The following GALNT11 variants were observed in gnomAD, a reference collection of about 807,000 sequenced individuals.
The protein encoded by GALNT11 is polypeptide N-acetylgalactosaminyltransferase 11, also known as UDP-GalNAc:polypeptide N-acetylgalactosaminyltransferase 11.
GALNT11 carries 47 observed loss-of-function variants against 72.7 expected under a neutral mutation model. The observed-to-expected ratio is 0.65, with a 90% confidence interval of 0.51 to 0.82. The LOEUF (loss-of-function observed/expected upper bound fraction) is 0.82, where lower values mean the gene tolerates loss of function less well. Among genes scored for constraint, GALNT11 ranks in the 40% least tolerant of loss-of-function variants. The pLI is 0.00. For synonymous variants in GALNT11, 270 were observed against 286.6 expected, an observed-to-expected ratio of 0.94 and a Z score of 0.58; for missense variants, 677 against 778.4, an observed-to-expected ratio of 0.87 and a Z score of 1.55.
chr7:152,033,342 T>G lies in GALNT11; in HGVS notation c.-39+7458T>G, dbSNP rs1301523214. On this transcript the variant is annotated intron_variant, in intron 1 of 11. Coordinates refer to ENST00000430044, the MANE Select transcript of GALNT11 (RefSeq NM_022087.4). ...TGTCCTTTCTGAACCACCAAAGGTTTGTTTGTCTGAGGGCCATGACTAAGG... is the reference window on the plus strand; with the variant it reads ...TGTCCTTTCTGAACCACCAAAGGTTGGTTTGTCTGAGGGCCATGACTAAGG... 5.9e-5 allele frequency among the ~76,000 whole-genome samples: 9 copies of G among 152,328 alleles called. 1 individual carries two copies. In the South Asian group the frequency reaches 1.7e-3, roughly 28 times the overall value.
intron 5 of GALNT11, 174 bp from the exon 6 acceptor site, chr7:152,107,864 G>T (rs1345245701): frequency 1.5e-5 from 10 of 647,666 alleles, no homozygotes; most frequent in Non-Finnish European, 2.6e-6. Flanking sequence ...CTGGCTGAGG[G>T]ACGTCCTTGT....
At chr7:152,096,215 T>G (rs1255006235) in intron 2 of GALNT11, among the ~76,000 whole-genome samples, 2 of 152,178 alleles carry the variant, frequency 1.3e-5, no homozygotes, top group Non-Finnish European at 2.9e-5. Flanking sequence ...ATATGTAGAT[T>G]CAGTGCAATC....
At chr7:152,058,997 A>G (rs2083853100) in intron 1 of GALNT11, among the ~76,000 whole-genome samples, 1 of 151,938 alleles carries the variant, frequency 6.6e-6, no homozygotes, top group African/African-American at 2.4e-5. Context: ...GTTGGAACCA[A>G]CTTCTTCTAA....
chr7:152,097,988 G>C (rs1397481102), intron 2 of GALNT11, among the ~76,000 whole-genome samples: 1 of 152,078 alleles, frequency 6.6e-6, no homozygotes, highest in African/African-American at 2.4e-5. Context: ...TTTATGTTAC[G>C]TGCATAATTA....
intron 10 of GALNT11, 199 bp downstream of exon 10, chr7:152,118,981 T>A (rs897002029): frequency 1.0e-5 from 4 of 388,288 alleles, no homozygotes; most frequent in Non-Finnish European, 1.8e-5. Context: ...ACCGCCAGGG[T>A]CTGATTTTTC....
At chr7:152,071,651 T>C (rs564350652) in intron 1 of GALNT11, among the ~76,000 whole-genome samples, 1,755 of 152,280 alleles carry the variant, frequency 0.012, 36 homozygotes, top group African/African-American at 0.041. Context: ...AGGGTATTGA[T>C]TGGGGAAGTG....
chr7:152,106,747 A>T (rs755286210), intron 5 of GALNT11, among the ~76,000 whole-genome samples: 1 of 152,146 alleles, frequency 6.6e-6, no homozygotes, highest in African/African-American at 2.4e-5. Flanking sequence ...ATTGAGATAT[A>T]GTTTAGGATC....
At chr7:152,112,215 C>T (rs1466638614) in intron 7 of GALNT11, among the ~76,000 whole-genome samples, 1 of 152,180 alleles carries the variant, frequency 6.6e-6, no homozygotes. Flanking sequence ...TTCTGTATTT[C>T]TGCAAATGTA....
intron 1 of GALNT11, among the ~76,000 whole-genome samples, chr7:152,076,092 A>G (rs2084957666): frequency 7.8e-6 from 1 of 128,974 alleles, no homozygotes; most frequent in South Asian, 2.5e-4. Context: ...AAAAAAAAAG[A>G]AGAAGAGAGA....
At chr7:152,033,297 G>A (rs938578372) in intron 1 of GALNT11, among the ~76,000 whole-genome samples, 14 of 152,314 alleles carry the variant, frequency 9.2e-5, no homozygotes, top group African/African-American at 3.4e-4. Context: ...CCTACCGGGT[G>A]ATTGGCCTGC....
intron 1 of GALNT11, among the ~76,000 whole-genome samples, chr7:152,091,215 T>G (rs956468278): frequency 2.6e-5 from 4 of 151,114 alleles, no homozygotes; most frequent in Admixed American, 1.3e-4. Context: ...ACCTGGCTAA[T>G]TTATATATAT....
intron 1 of GALNT11, among the ~76,000 whole-genome samples, chr7:152,048,149 A>G (rs1356251436): frequency 1.3e-5 from 2 of 151,498 alleles, no homozygotes; most frequent in Non-Finnish European, 2.9e-5. Flanking sequence ...TTTCTCCTTC[A>G]TGTTTGAAGA....
intron 1 of GALNT11, among the ~76,000 whole-genome samples, chr7:152,083,740 T>G (rs2085458615): frequency 6.6e-6 from 1 of 152,200 alleles, no homozygotes; most frequent in South Asian, 2.1e-4. Flanking sequence ...GATAATATAT[T>G]TAACATGATT....
At chr7:152,038,314 G>A (rs1281908177) in intron 1 of GALNT11, among the ~76,000 whole-genome samples, 1 of 152,192 alleles carries the variant, frequency 6.6e-6, no homozygotes, top group Non-Finnish European at 1.5e-5. Flanking sequence ...TTTACTATAA[G>A]TATTCCTTAT....
intron 1 of GALNT11, among the ~76,000 whole-genome samples, chr7:152,030,070 C>T (rs1311938093): frequency 4.6e-5 from 7 of 152,086 alleles, no homozygotes; most frequent in African/African-American, 2.4e-5. Flanking sequence ...CCCACAGGGT[C>T]GGTGGGTTTT....
At position 152,040,226 on chromosome 7, in the gene GALNT11, T is replaced by G. The variant is rs1459230593; in HGVS notation, c.-39+14342T>G. On this transcript the variant is annotated intron_variant, in intron 1 of 11. Coordinates refer to ENST00000430044, the MANE Select transcript of GALNT11 (RefSeq NM_022087.4). ...TAACACAAGCAGAAGACTCTCCTGA[T>G]TGGCATGTAGCCCAGACAAAGTGAG... 5.3e-5 allele frequency among the ~76,000 whole-genome samples: 8 copies of G among 151,782 alleles called. No homozygotes were observed. The East Asian group carries it at 1.6e-3, about 30-fold the overall frequency.
chr7:152,075,534 G>A (rs2084906191), intron 1 of GALNT11, among the ~76,000 whole-genome samples: 1 of 148,890 alleles, frequency 6.7e-6, no homozygotes, highest in South Asian at 2.1e-4. Flanking sequence ...GGGCCCCGTG[G>A]CTCCCGCCCA....
At chr7:152,080,098 A>G (rs1035994537) in intron 1 of GALNT11, among the ~76,000 whole-genome samples, 1 of 152,244 alleles carries the variant, frequency 6.6e-6, no homozygotes, top group Non-Finnish European at 1.5e-5. Flanking sequence ...TTCAGATTAG[A>G]TAGTGATTCA....
intron 1 of GALNT11, among the ~76,000 whole-genome samples, chr7:152,073,395 A>G (rs1324275233): frequency 6.6e-6 from 1 of 152,190 alleles, no homozygotes; most frequent in Non-Finnish European, 1.5e-5. Context: ...GAATGAGAAC[A>G]TGTGGTGTTT....
Sources: allele counts gnomAD v4.1 joint callset (sites outside exome capture counted in the v4.1 genomes callset), GRCh38; gene constraint gnomAD v4.1.1; transcripts MANE v1.5; gene names NCBI Gene and HGNC (gene_info 2026-07-23, HGNC 2026-07-21).